Variants in SPOCK3 observed in about 807,000 individuals in gnomAD.
The protein encoded by SPOCK3 is testican-3.
Under a neutral mutation model 56.6 loss-of-function variants are expected in SPOCK3, and 30 were observed. That is an observed-to-expected ratio of 0.53 (90% CI 0.40 to 0.72). The LOEUF is 0.72. Ranked by LOEUF, SPOCK3 falls within the 30% of genes least tolerant of loss-of-function variation. The probability of loss-of-function intolerance (pLI) is 0.00; values close to 1 mark genes in which losing one functional copy is unlikely to be tolerated. For missense variants in SPOCK3, 527 were observed against 530.0 expected (o/e 0.99, Z 0.06); for synonymous variants, 196 against 183.3 (o/e 1.07, Z -0.56).
intron 7 of SPOCK3, among the ~76,000 whole-genome samples, chr4:166,785,239 A>T (rs1486304481): frequency 6.6e-6 from 1 of 152,084 alleles, no homozygotes; most frequent in Non-Finnish European, 1.5e-5. Context: ...TGATAGCTCT[A>T]AAGTAAATCC....
chr4:166,880,714 G>T (rs188697157), intron 6 of SPOCK3, among the ~76,000 whole-genome samples: 3 of 151,966 alleles, frequency 2.0e-5, no homozygotes, highest in Admixed American at 6.6e-5. Context: ...AAAGTCAATC[G>T]ACAAGGCATA....
intron 2 of SPOCK3, among the ~76,000 whole-genome samples, chr4:167,220,378 C>CTTTTTTTTT (rs61002914): frequency 7.7e-6 from 1 of 130,068 alleles, no homozygotes; most frequent in Admixed American, 8.2e-5. Flanking sequence ...ACTGTAAGAA[C>CTTTTTTTTT]TTTTTTTTTT....
intron 6 of SPOCK3, among the ~76,000 whole-genome samples, chr4:166,801,239 C>A (rs535704244): frequency 8.5e-5 from 13 of 152,188 alleles, no homozygotes; most frequent in African/African-American, 3.1e-4. Flanking sequence ...TTTTATAACA[C>A]CATCAGCTAG....
At chr4:167,088,516 G>A (rs938873472) in intron 2 of SPOCK3, among the ~76,000 whole-genome samples, 2 of 142,648 alleles carry the variant, frequency 1.4e-5, no homozygotes, top group Non-Finnish European at 3.0e-5. Flanking sequence ...CCAGGCTGGA[G>A]TGCTGTGGCA....
intron 7 of SPOCK3, among the ~76,000 whole-genome samples, chr4:166,791,710 CTTAT>C (rs1553970238): frequency 6.6e-6 from 1 of 151,490 alleles, no homozygotes; most frequent in Non-Finnish European, 1.5e-5. Flanking sequence ...CTGTGTTTTA[CTTAT>C]TTAATTTGCA....
intron 2 of SPOCK3, among the ~76,000 whole-genome samples, chr4:167,158,601 T>G (rs1489904729): frequency 6.6e-6 from 1 of 151,976 alleles, no homozygotes; most frequent in African/African-American, 2.4e-5. Flanking sequence ...AACTAGCCCT[T>G]AAGTGGTTTT....
chr4:167,148,544 G>C (rs998011332), intron 2 of SPOCK3, among the ~76,000 whole-genome samples: 1 of 151,874 alleles, frequency 6.6e-6, no homozygotes, highest in African/African-American at 2.4e-5. Context: ...TAAAAGGAGG[G>C]CAATATAATT....
chr4:167,118,463 T>C (rs1011095990), intron 2 of SPOCK3, among the ~76,000 whole-genome samples: 2 of 152,196 alleles, frequency 1.3e-5, no homozygotes. Flanking sequence ...ATTAATCTTT[T>C]TAAAAGGCAG....
At chr4:166,809,190 A>G (rs1269487227) in intron 6 of SPOCK3, among the ~76,000 whole-genome samples, 1 of 151,900 alleles carries the variant, frequency 6.6e-6, no homozygotes, top group Non-Finnish European at 1.5e-5. Flanking sequence ...TATATTTGTT[A>G]TTTATTCCAT....
intron 2 of SPOCK3, among the ~76,000 whole-genome samples, chr4:167,159,800 T>C (rs1395035955): frequency 2.0e-5 from 3 of 152,154 alleles, no homozygotes; most frequent in African/African-American, 4.8e-5. Context: ...CACATGATTA[T>C]CTCAATAGAT....
chr4:166,860,803 A>ATATATATATATATATATATATATATG (rs1491145990), intron 6 of SPOCK3, among the ~76,000 whole-genome samples: 1 of 71,138 alleles, frequency 1.4e-5, no homozygotes, highest in Non-Finnish European at 3.6e-5. Context: ...ACACAAATTC[A>ATATATATATATATATATATATATATG]TATATATATA....
intron 7 of SPOCK3, among the ~76,000 whole-genome samples, chr4:166,781,790 T>G (rs1427580620): frequency 6.6e-6 from 1 of 152,032 alleles, no homozygotes; most frequent in Non-Finnish European, 1.5e-5. Context: ...AGTTACATAT[T>G]TCATCAGAGT....
At chr4:167,202,010 TATTG>T (rs1733563760) in intron 2 of SPOCK3, among the ~76,000 whole-genome samples, 1 of 151,984 alleles carries the variant, frequency 6.6e-6, no homozygotes, top group Non-Finnish European at 1.5e-5. Flanking sequence ...GACCAGAATT[TATTG>T]ATTGTTTGGT....
chr4:166,974,267 C>A (rs1220929033), intron 4 of SPOCK3, among the ~76,000 whole-genome samples: 1 of 151,992 alleles, frequency 6.6e-6, no homozygotes, highest in Non-Finnish European at 1.5e-5. Context: ...CCAATGTCTA[C>A]CTTTTGGTTA....
chr4:166,933,265 C>A (rs1739993598), intron 4 of SPOCK3, among the ~76,000 whole-genome samples: 1 of 152,070 alleles, frequency 6.6e-6, no homozygotes, highest in South Asian at 2.1e-4. Context: ...AACCAAATAA[C>A]CAAAAAACTA....
intron 4 of SPOCK3, among the ~76,000 whole-genome samples, chr4:166,990,712 A>G (rs574651599): frequency 1.3e-5 from 2 of 152,226 alleles, no homozygotes; most frequent in Non-Finnish European, 1.5e-5. Context: ...CAGTAACAGC[A>G]AGTTTGGATT....
intron 2 of SPOCK3, among the ~76,000 whole-genome samples, chr4:167,200,257 T>C (rs1020090802): frequency 2.0e-5 from 3 of 152,118 alleles, no homozygotes; most frequent in Admixed American, 6.6e-5. Context: ...GATATTTCTA[T>C]GTATTCAAAG....
chr4:166,913,422 T>A (rs557400453), intron 4 of SPOCK3, among the ~76,000 whole-genome samples: 6 of 152,206 alleles, frequency 3.9e-5, no homozygotes, highest in African/African-American at 1.4e-4. Flanking sequence ...GTGTGAACAA[T>A]TTACACAGAG....
chr4:167,172,570 C>CATAAGCA (rs1561290229), intron 2 of SPOCK3, among the ~76,000 whole-genome samples: 1 of 152,088 alleles, frequency 6.6e-6, no homozygotes, highest in Non-Finnish European at 1.5e-5. Context: ...TCCTAAAATA[C>CATAAGCA]ATAAGCAACT....
Sources: gnomAD v4.1 joint callset for allele counts (sites outside exome capture counted in the v4.1 genomes callset) on GRCh38, gnomAD v4.1.1 for gene constraint, MANE v1.5 for transcripts, NCBI Gene and HGNC (gene_info 2026-07-23, HGNC 2026-07-21) for gene names.